Variants in FRAS1 observed in about 807,000 individuals in gnomAD.
The protein encoded by FRAS1 is Fraser extracellular matrix complex subunit 1.
A neutral mutation model predicts 435.2 loss-of-function variants in FRAS1; 290 were observed. The ratio of observed to expected loss-of-function variants is 0.67; its 90% CI spans 0.61 to 0.73. The LOEUF is 0.73. Among genes scored for constraint, FRAS1 ranks in the 30% least tolerant of loss-of-function variants. The pLI, the probability that FRAS1 is intolerant of heterozygous loss-of-function variation, is 0.00. For missense variants in FRAS1, 4,860 were observed against 5,001.5 expected, an observed-to-expected ratio of 0.97 and a Z score of 0.85; for synonymous variants, 1,800 against 1,851.0, an observed-to-expected ratio of 0.97 and a Z score of 0.71.
At chr4:78,334,735 T>C (rs1730102977) in intron 19 of FRAS1, among the ~76,000 whole-genome samples, 1 of 151,994 alleles carries the variant, frequency 6.6e-6, no homozygotes, top group Non-Finnish European at 1.5e-5. Context: ...ATTTATCGTT[T>C]TCATGGCTGC....
At chr4:78,333,713 C>A (rs1433837857) in intron 19 of FRAS1, among the ~76,000 whole-genome samples, 3 of 152,188 alleles carry the variant, frequency 2.0e-5, no homozygotes. Context: ...TAAATAAATC[C>A]TGTCGTGGAC....
chr4:78,365,613 A>G (rs1213485606), intron 22 of FRAS1, among the ~76,000 whole-genome samples: 3 of 152,300 alleles, frequency 2.0e-5, no homozygotes, highest in South Asian at 2.1e-4. Flanking sequence ...CTATGATCCC[A>G]TGTAAATAGA....
In FRAS1 at chr4:78,443,218, C is replaced by A. The variant is rs138525238; in HGVS notation, c.5665+1921C>A. Among the ~76,000 whole-genome samples the A allele has an allele frequency of 8.4e-3, 1,284 of 152,186 alleles. 23 individuals are homozygous for A. Among genetic ancestry groups the A allele is most frequent in the Non-Finnish European group, 7.3e-3 (495 of 68,016 alleles). Reference sequence around the variant, plus strand: ...GATAAAAATGTAAAAATTAGCTAGACGTGGTGGCACATGCCTGTAGTCCCA... The same window carrying A: ...GATAAAAATGTAAAAATTAGCTAGAAGTGGTGGCACATGCCTGTAGTCCCA... On this transcript the variant is annotated intron_variant, in intron 41 of 73. Transcript: ENST00000512123.
chr4:78,428,683 A>G (rs1472237253), intron 35 of FRAS1, among the ~76,000 whole-genome samples: 1 of 152,210 alleles, frequency 6.6e-6, no homozygotes, highest in Non-Finnish European at 1.5e-5. Context: ...CATGAAAGAA[A>G]ATATTTATTT....
At chr4:78,119,978 T>G (rs908494514) in intron 2 of FRAS1, among the ~76,000 whole-genome samples, 1 of 152,228 alleles carries the variant, frequency 6.6e-6, no homozygotes, top group Non-Finnish European at 1.5e-5. Flanking sequence ...TTTCCCTGCT[T>G]GTCTACTGAA....
intron 2 of FRAS1, among the ~76,000 whole-genome samples, chr4:78,178,865 T>A (rs1162943666): frequency 6.6e-6 from 1 of 152,186 alleles, no homozygotes; most frequent in Non-Finnish European, 1.5e-5. Flanking sequence ...AATAGGATAC[T>A]GTATGTGGAG....
chr4:78,071,759 A>G (rs1056619241), intron 2 of FRAS1: 1 of 152,162 alleles, frequency 6.6e-6, no homozygotes, highest in African/African-American at 2.4e-5. Context: ...GAGTAGCCAC[A>G]TATAGATAGT....
At chr4:78,276,280 G>A (rs1363870064) in intron 9 of FRAS1, among the ~76,000 whole-genome samples, 4 of 152,172 alleles carry the variant, frequency 2.6e-5, no homozygotes, top group Non-Finnish European at 5.9e-5. Flanking sequence ...TTAGCTTGGA[G>A]AAGTTTGATC....
chr4:78,170,957 T>A (rs981150626), intron 2 of FRAS1, among the ~76,000 whole-genome samples: 1 of 151,660 alleles, frequency 6.6e-6, no homozygotes, highest in African/African-American at 2.4e-5. Flanking sequence ...CCCATTCCAC[T>A]CTCTCTCTCT....
At position 78,057,743 on chromosome 4, in the gene FRAS1, C is replaced by T; in HGVS notation, c.-267C>T. The T allele has an allele frequency of 5.6e-6, 3 of 538,666 alleles. No homozygotes were observed. Among genetic ancestry groups the T allele is most frequent in the East Asian group, 5.9e-5 (2 of 33,874 alleles). The allele number at this position is 538,666 out of a possible 1,614,324, so 33.4% of individuals were successfully genotyped here. ...TGTGCTCTGCCTCCTCTTATTCTCC[C>T]AAAGCTCACGTTGGCGTCCTGCCTT... On this transcript the variant is annotated 5_prime_UTR_variant, in exon 1 of 74. Transcript: ENST00000512123. The surrounding 1 kb of genome is among the most constrained non-coding windows in gnomAD (Gnocchi z 4.2).
chr4:78,069,075 C>A (rs873454), intron 2 of FRAS1, among the ~76,000 whole-genome samples: 36,824 of 152,044 alleles, frequency 0.24, 4,768 homozygotes, highest in East Asian at 0.35. Flanking sequence ...TAAGAGGCGT[C>A]ATTTTCAAGA....
chr4:78,477,565 C>G (rs1719887481), intron 54 of FRAS1, among the ~76,000 whole-genome samples: 1 of 152,100 alleles, frequency 6.6e-6, no homozygotes, highest in Non-Finnish European at 1.5e-5. Flanking sequence ...CTCCAGTCAC[C>G]AATGGTAGGA....
intron 9 of FRAS1, among the ~76,000 whole-genome samples, chr4:78,277,646 A>T (rs1302187941): frequency 1.3e-5 from 2 of 152,146 alleles, no homozygotes; most frequent in African/African-American, 4.8e-5. Context: ...CACTTTCTAA[A>T]TTATAGAATT....
chr4:78,443,177 T>C (rs1240905239), intron 41 of FRAS1, among the ~76,000 whole-genome samples: 1 of 152,084 alleles, frequency 6.6e-6, no homozygotes, highest in Non-Finnish European at 1.5e-5. Flanking sequence ...AGCAAGACCT[T>C]GTCTCCACTG....
At chr4:78,065,083 T>TATATATATATACACACAC (rs1383890164) in intron 1 of FRAS1, among the ~76,000 whole-genome samples, 7 of 140,596 alleles carry the variant, frequency 5.0e-5, no homozygotes, top group African/African-American at 1.6e-4. Context: ...TATATATATA[T>TATATATATATACACACAC]ACATACACAC....
In FRAS1 at chr4:78,543,573, C is replaced by G. The variant is rs1213475784; in HGVS notation, c.*2449C>G. On this transcript the variant is annotated 3_prime_UTR_variant, in exon 74 of 74. Coordinates refer to ENST00000512123, the MANE Select transcript of FRAS1 (RefSeq NM_025074.7). ...TGAAAGGAAAGCCCTTGCAGTATTT[C>G]TGCCTCCCTTTCTTTCTGCCTTTCA... 6.6e-6 allele frequency: 1 copy of G among 152,204 alleles called. No homozygotes were observed. Among genetic ancestry groups the G allele is most frequent in the Non-Finnish European group, 1.5e-5 (1 of 68,040 alleles). 9.4% of individuals were successfully genotyped at this position (152,204 alleles called of 1,614,324 possible).
intron 35 of FRAS1, among the ~76,000 whole-genome samples, chr4:78,427,416 C>T (rs1447311933): frequency 6.6e-6 from 1 of 151,886 alleles, no homozygotes; most frequent in African/African-American, 2.4e-5. Flanking sequence ...TTATAAGCAA[C>T]AAAAAATGGA....
intron 2 of FRAS1, among the ~76,000 whole-genome samples, chr4:78,100,155 C>A (rs1279352551): frequency 6.6e-6 from 1 of 152,178 alleles, no homozygotes; most frequent in Non-Finnish European, 1.5e-5. Context: ...GCAGGCTCAG[C>A]AAATACAGTA....
chr4:78,331,076 G>C (rs763682322), intron 18 of FRAS1, among the ~76,000 whole-genome samples: 27 of 152,058 alleles, frequency 1.8e-4, no homozygotes, highest in Non-Finnish European at 1.5e-4. Context: ...GATGCTTAAG[G>C]AAAATAGAAA....
Sources: gnomAD v4.1 joint callset for allele counts (sites outside exome capture counted in the v4.1 genomes callset) on GRCh38, gnomAD v4.1.1 for gene constraint, Gnocchi (gnomAD v3.1) non-coding constraint, MANE v1.5 for transcripts, NCBI Gene and HGNC (gene_info 2026-07-23, HGNC 2026-07-21) for gene names.